OSBPL9: variants seen among roughly 807,000 people sequenced by gnomAD.
OSBPL9 encodes the protein oxysterol binding protein like 9, also known as oxysterol-binding protein-related protein 9.
Under a neutral mutation model 106.6 loss-of-function variants are expected in OSBPL9, and 40 were observed. The observed-to-expected ratio is 0.38, with a 90% CI of 0.29 to 0.49. The LOEUF is 0.49. OSBPL9 is among the 20% of genes least tolerant of loss of function. The pLI, the probability that OSBPL9 is intolerant of heterozygous loss-of-function variation, is 0.97. For synonymous variants in OSBPL9, 269 were observed against 295.4 expected, an observed-to-expected ratio of 0.91 and a Z score of 0.92; for missense variants, 609 against 887.2, an observed-to-expected ratio of 0.69 and a Z score of 3.98.
chr1:51,560,150 C>T, the OSBPL9 span, among the ~76,000 whole-genome samples: 4 of 152,176 alleles, frequency 2.6e-5, no homozygotes, highest in African/African-American at 9.7e-5. Flanking sequence ...CCTTCGGTGG[C>T]TCTGAACTGT....
At chr1:51,752,596 G>A (rs1204765702) in intron 8 of OSBPL9, 1 of 454,122 alleles carries the variant, frequency 2.2e-6, no homozygotes, top group Non-Finnish European at 4.4e-6. Flanking sequence ...GTGGCTTAAA[G>A]AACAGAAGTT....
the OSBPL9 span, among the ~76,000 whole-genome samples, chr1:51,545,094 T>C: frequency 1.3e-5 from 2 of 152,156 alleles, no homozygotes; most frequent in Admixed American, 6.5e-5. Flanking sequence ...TCTGCCTGCC[T>C]TGGCCTCCCA....
chr1:51,574,983 T>C (rs1055644060), upstream of OSBPL9, among the ~76,000 whole-genome samples: 2 of 152,194 alleles, frequency 1.3e-5, no homozygotes, highest in Non-Finnish European at 2.9e-5. Flanking sequence ...GGCATTCTTC[T>C]TGGGTCTTGG....
chr1:51,585,472 G>A (rs1370529666), intron 1 of OSBPL9, among the ~76,000 whole-genome samples: 1 of 152,114 alleles, frequency 6.6e-6, no homozygotes, highest in Non-Finnish European at 1.5e-5. Context: ...ATCAGGTACA[G>A]GTTAGATATC....
At chr1:51,579,373 G>A (rs1363739760) in intron 1 of OSBPL9, among the ~76,000 whole-genome samples, 2 of 152,150 alleles carry the variant, frequency 1.3e-5, no homozygotes, top group Non-Finnish European at 2.9e-5. Context: ...AATATTTTTA[G>A]ATTTGAAGGT....
intron 11 of OSBPL9, among the ~76,000 whole-genome samples, chr1:51,762,455 A>G (rs1671726801): frequency 6.6e-6 from 1 of 152,184 alleles, no homozygotes; most frequent in Admixed American, 6.5e-5. Context: ...ATGAGGCACC[A>G]TGCCTGGAAT....
intron 3 of OSBPL9, among the ~76,000 whole-genome samples, chr1:51,685,821 C>G (rs990497588): frequency 6.6e-6 from 1 of 152,124 alleles, no homozygotes; most frequent in Non-Finnish European, 1.5e-5. Flanking sequence ...AACACTGATA[C>G]AGCGTATAGA....
chr1:51,582,078 T>C (rs528886097), intron 1 of OSBPL9, among the ~76,000 whole-genome samples: 1 of 152,322 alleles, frequency 6.6e-6, no homozygotes, highest in East Asian at 1.9e-4. Context: ...AATGTTTTAA[T>C]TGGAGTATAA....
upstream of OSBPL9, among the ~76,000 whole-genome samples, chr1:51,574,765 A>C (rs984786570): frequency 1.4e-4 from 21 of 152,238 alleles, no homozygotes; most frequent in Admixed American, 1.4e-3. Flanking sequence ...ACACATATTT[A>C]TGTTTAGTAA....
chr1:51,708,014 A>G (rs2148873773), intron 3 of OSBPL9: 2 of 236,206 alleles, frequency 8.5e-6, no homozygotes, highest in Non-Finnish European at 1.7e-5. Flanking sequence ...TGGAACATGT[A>G]GACCATGTAG....
At chr1:51,757,608 C>CA (rs2149051346) in intron 9 of OSBPL9, among the ~76,000 whole-genome samples, 1 of 152,062 alleles carries the variant, frequency 6.6e-6, no homozygotes, top group South Asian at 2.1e-4. Context: ...AGTTTATACT[C>CA]ATAGAAAATT....
intron 3 of OSBPL9, among the ~76,000 whole-genome samples, chr1:51,689,804 C>T (rs1291643784): frequency 6.6e-6 from 1 of 152,138 alleles, no homozygotes; most frequent in African/African-American, 2.4e-5. Flanking sequence ...AATTTGAAGC[C>T]TTCTGTTTCC....
intron 4 of OSBPL9, among the ~76,000 whole-genome samples, chr1:51,731,775 C>CAA (rs905927971): frequency 0.018 from 1,185 of 67,034 alleles, 8 homozygotes; most frequent in Non-Finnish European, 0.023. Context: ...GAGTCTGTCT[C>CAA]AAAAAAAAAA....
intron 1 of OSBPL9, among the ~76,000 whole-genome samples, chr1:51,627,987 C>T (rs2148644422): frequency 6.6e-6 from 1 of 152,052 alleles, no homozygotes; most frequent in East Asian, 1.9e-4. Flanking sequence ...AATTGTTTTA[C>T]TGTTCTTGAA....
chr1:51,617,280 T>C, intron 1 of OSBPL9, 59 bp downstream of exon 1: 1 of 1,516,714 alleles, frequency 6.6e-7, no homozygotes, highest in Non-Finnish European at 8.9e-7. Flanking sequence ...TGGGTGGAGG[T>C]GGGGGACCGG....
chr1:51,616,679 C>T (rs1228190940), upstream of OSBPL9, among the ~76,000 whole-genome samples: 2 of 152,172 alleles, frequency 1.3e-5, no homozygotes, highest in African/African-American at 4.8e-5. Context: ...GTCATGAAGG[C>T]TCTGTTGTAT....
Position 51,729,757 on chromosome 1 carries a change from G to A in OSBPL9, c.318+15678G>A. The A allele has an allele frequency of 1.7e-6, 2 of 1,167,284 alleles. No homozygotes were observed. The highest frequency in any genetic ancestry group is 2.2e-6 in the Non-Finnish European group (2 of 924,222). 72.3% of individuals were successfully genotyped at this position (1,167,284 alleles called of 1,614,324 possible). ...GGGTCTCTTTGCCAGGAGCCGCCAGGGCCAGCCAATCGGGGCGACCCCTCC... is the reference window on the plus strand; with the variant it reads ...GGGTCTCTTTGCCAGGAGCCGCCAGAGCCAGCCAATCGGGGCGACCCCTCC... On this transcript the variant is annotated intron_variant, in intron 4 of 23. Transcript: ENST00000428468. The surrounding 1 kb of genome is among the most constrained non-coding windows in gnomAD (Gnocchi z 5.1).
intron 1 of OSBPL9, among the ~76,000 whole-genome samples, chr1:51,643,216 A>G (rs1439463756): frequency 1.3e-5 from 2 of 152,174 alleles, no homozygotes; most frequent in Non-Finnish European, 2.9e-5. Context: ...TCTATTCATG[A>G]GGACGGAGGG....
intron 4 of OSBPL9, among the ~76,000 whole-genome samples, chr1:51,723,241 C>A (rs1386331897): frequency 6.6e-6 from 1 of 152,170 alleles, no homozygotes; most frequent in African/African-American, 2.4e-5. Context: ...ATTTATCCAC[C>A]ATTATAGTGT....
Sources: allele counts gnomAD v4.1 joint callset (sites outside exome capture counted in the v4.1 genomes callset), GRCh38; gene constraint gnomAD v4.1.1; non-coding constraint Gnocchi (gnomAD v3.1); transcripts MANE v1.5; gene names NCBI Gene and HGNC (gene_info 2026-07-23, HGNC 2026-07-21).